The following VBP1 variants were observed in gnomAD, a reference collection of about 807,000 sequenced individuals.
VBP1 encodes the protein prefoldin subunit 3.
In VBP1, 4 loss-of-function variants were observed where a neutral mutation model predicts 15.5. The observed-to-expected ratio is 0.26, with a 90% confidence interval of 0.13 to 0.59. The LOEUF is 0.59. Ranked by LOEUF, VBP1 falls within the 20% of genes least tolerant of loss-of-function variation. VBP1 has a pLI of 0.90. For missense variants in VBP1, 108 were observed against 139.6 expected (o/e 0.77, Z 1.14); for synonymous variants, 61 against 52.1 (o/e 1.17, Z -0.74).
intron 1 of VBP1, among the ~76,000 whole-genome samples, chrX:155,203,869 A>T (rs940042279): frequency 8.9e-6 from 1 of 112,409 alleles, no homozygotes; most frequent in Non-Finnish European, 1.9e-5. Flanking sequence ...AGGACATAGT[A>T]TACAAAGTAT....
chrX:155,202,847 A>C (rs1209526172), intron 1 of VBP1, among the ~76,000 whole-genome samples: 3 of 110,621 alleles, frequency 2.7e-5, no homozygotes, highest in Non-Finnish European at 5.7e-5. Flanking sequence ...GAAAATTCTC[A>C]CAACCTACTC....
At chrX:155,198,790 T>C (rs1384787633) in intron 1 of VBP1, among the ~76,000 whole-genome samples, 1 of 111,862 alleles carries the variant, frequency 8.9e-6, no homozygotes, top group East Asian at 2.8e-4. Flanking sequence ...AGAAGAAGGC[T>C]TCAGATGATC....
chrX:155,197,519 G>T (rs1337516049), intron 1 of VBP1, among the ~76,000 whole-genome samples: 1 of 111,773 alleles, frequency 8.9e-6, no homozygotes, highest in African/African-American at 3.2e-5. Flanking sequence ...TTTTGTCAAG[G>T]TTCTACCTCC....
intron 2 of VBP1, among the ~76,000 whole-genome samples, chrX:155,226,403 T>C (rs1243279520): frequency 3.6e-5 from 4 of 112,369 alleles, no homozygotes; most frequent in African/African-American, 1.3e-4. Context: ...AGTTGTATCA[T>C]GTCCATCATT....
intron 1 of VBP1, among the ~76,000 whole-genome samples, chrX:155,198,635 T>C (rs1260844493): frequency 9.1e-6 from 1 of 109,803 alleles, no homozygotes; most frequent in African/African-American, 3.3e-5. Flanking sequence ...AGACCAAAAG[T>C]AGATAAAACC....
At chrX:155,208,812 A>G in intron 1 of VBP1, 1 of 718,077 alleles carries the variant, frequency 1.4e-6, no homozygotes, top group Non-Finnish European at 2.1e-6. Flanking sequence ...GTACTATTGT[A>G]TTAGGAGAGC....
intron 2 of VBP1, among the ~76,000 whole-genome samples, chrX:155,223,820 C>T (rs782776039): frequency 2.5e-4 from 26 of 104,275 alleles, no homozygotes; most frequent in African/African-American, 7.2e-4. Context: ...GCTGGCCGGG[C>T]GGGGGCTGCC....
intron 1 of VBP1, among the ~76,000 whole-genome samples, chrX:155,198,585 C>A (rs951442014): frequency 3.6e-5 from 4 of 110,826 alleles, no homozygotes; most frequent in African/African-American, 9.8e-5. Context: ...ACAGAAAGGA[C>A]ATCCACACCA....
intron 4 of VBP1, among the ~76,000 whole-genome samples, chrX:155,235,110 GTGTGTA>G (rs1452948052): frequency 2.8e-5 from 3 of 107,433 alleles, no homozygotes; most frequent in African/African-American, 1.0e-4. Context: ...CAGTGTGTGT[GTGTGTA>G]TGTGTGTGTG....
chrX:155,226,328 A>G (rs1027064143), intron 2 of VBP1, among the ~76,000 whole-genome samples: 1 of 111,740 alleles, frequency 8.9e-6, no homozygotes, highest in Non-Finnish European at 1.9e-5. Flanking sequence ...GGTTGATTGC[A>G]TTTGGGAGTC....
In VBP1 at chrX:155,216,890, C is replaced by T. The variant is rs1260927014; in HGVS notation, c.93+315C>T. On this transcript the variant is annotated intron_variant, in intron 1 of 5. Coordinates refer to ENST00000286428, the MANE Select transcript of VBP1 (RefSeq NM_003372.7). ...CCGGGCTGCCGCCGGTTTTCGTCCC[C>T]CTGCTGGTTGGAAAAGGGGAGGTGG... Among the ~76,000 whole-genome samples the T allele has an allele frequency of 6.2e-5, 7 of 112,346 alleles. No individual in the cohort carries two copies. The East Asian group carries it at 2.0e-3, about 32-fold the overall frequency.
intron 1 of VBP1, among the ~76,000 whole-genome samples, chrX:155,203,238 G>C (rs1179012196): frequency 1.8e-5 from 2 of 111,003 alleles, no homozygotes; most frequent in East Asian, 2.8e-4. Context: ...AATACCATTT[G>C]ACCCAGCCAT....
chrX:155,225,288 G>A (rs1250479719), intron 2 of VBP1, among the ~76,000 whole-genome samples: 1 of 111,516 alleles, frequency 9.0e-6, no homozygotes, highest in African/African-American at 3.3e-5. Context: ...CCACCTCCTG[G>A]ATTCAAGGGA....
Position 155,216,488 on chromosome X carries a change from G to A in VBP1, c.6G>A (p.Ala2=). 1 of 1,168,503 alleles carries A rather than the reference G, an allele frequency of 8.6e-7. No individual in the cohort carries two copies. The highest frequency in any genetic ancestry group is 1.1e-6 in the Non-Finnish European group (1 of 873,075). Residue 2 remains alanine, a synonymous_variant, in exon 1 of 6, where the codon GCG becomes GCA. Transcript: ENST00000286428. ...CGCGCGCTCGCATCCCCAAGATGGCGGCCGTTAAGGACAGTTGTGGCAAAG... is the reference window on the plus strand; with the variant it reads ...CGCGCGCTCGCATCCCCAAGATGGCAGCCGTTAAGGACAGTTGTGGCAAAG... M[A]AVKDSCGKGE...
At chrX:155,227,344 G>A in intron 3 of VBP1, 43 bp downstream of exon 3, 1 of 995,765 alleles carries the variant, frequency 1.0e-6, no homozygotes, top group Non-Finnish European at 1.4e-6. Context: ...GCTAGGATAT[G>A]TCAGCAGAAA....
chrX:155,215,583 G>C (rs2074659594), upstream of VBP1, among the ~76,000 whole-genome samples: 1 of 112,191 alleles, frequency 8.9e-6, no homozygotes, highest in African/African-American at 3.2e-5. Context: ...ATTATGTGCG[G>C]AGATAAACCG....
chrX:155,199,603 A>G (rs2074593578), intron 1 of VBP1, among the ~76,000 whole-genome samples: 1 of 112,010 alleles, frequency 8.9e-6, no homozygotes, highest in African/African-American at 3.2e-5. Flanking sequence ...GAGCTCCTGA[A>G]GGAAGCACTA....
chrX:155,224,094 A>C (rs1266353411), intron 2 of VBP1, among the ~76,000 whole-genome samples: 2 of 101,579 alleles, frequency 2.0e-5, no homozygotes, highest in African/African-American at 7.5e-5. Flanking sequence ...GACGGCCTGG[A>C]AGAGGCGCTC....
chrX:155,225,983 C>T (rs2074717994), intron 2 of VBP1, among the ~76,000 whole-genome samples: 1 of 112,021 alleles, frequency 8.9e-6, no homozygotes, highest in Non-Finnish European at 1.9e-5. Context: ...CCCTGCCAAC[C>T]TGCTGCACAC....
Sources: allele counts gnomAD v4.1 joint callset (sites outside exome capture counted in the v4.1 genomes callset), GRCh38; gene constraint gnomAD v4.1.1; transcripts MANE v1.5; gene names NCBI Gene and HGNC (gene_info 2026-07-23, HGNC 2026-07-21).